The following KIT variants were observed in gnomAD, a reference collection of about 807,000 sequenced individuals.
KIT encodes the protein mast/stem cell growth factor receptor Kit.
A neutral mutation model predicts 105.7 loss-of-function variants in KIT; 16 were observed. The ratio of observed to expected loss-of-function variants is 0.15; its 90% CI spans 0.10 to 0.23. The LOEUF (loss-of-function observed/expected upper bound fraction) is 0.23. Ranked by LOEUF, KIT falls within the 10% of genes least tolerant of loss-of-function variation. KIT has a pLI of 1.00. For synonymous variants in KIT, 438 were observed against 441.1 expected, an observed-to-expected ratio of 0.99 and a Z score of 0.09; for missense variants, 858 against 1,213.8, an observed-to-expected ratio of 0.71 and a Z score of 4.36.
intron 13 of KIT, 121 bp from the exon 14 acceptor site, chr4:54,729,214 A>G: frequency 1.0e-6 from 1 of 994,148 alleles, no homozygotes; most frequent in Non-Finnish European, 1.6e-6. Context: ...ATTGGGACTA[A>G]GTAGTCTGAT....
chr4:54,739,600 TA>T lies in KIT; in HGVS notation c.*1046del, dbSNP rs1723132138. The T allele has an allele frequency of 4.3e-6, 1 of 233,478 alleles. No individual in the cohort carries two copies. The highest frequency in any genetic ancestry group is 2.2e-5 in the African/African-American group (1 of 45,332). The allele number at this position is 233,478 out of a possible 1,614,324, so 14.5% of individuals were successfully genotyped here. A position where few individuals can be genotyped will look rare whatever the true frequency, so the allele number is the denominator to read the frequency against. ...GTTTGGATTCTTATGTAGCAGGAAA[TA>T]AAGTATAGGTTTAGCCTCCTTCGCA... On this transcript the variant is annotated 3_prime_UTR_variant, in exon 21 of 21. Transcript: ENST00000288135.
At chr4:54,695,994 G>A (rs904519090) in intron 2 of KIT, 15 of 607,008 alleles carry the variant, frequency 2.5e-5, no homozygotes, top group Admixed American at 8.7e-5. Flanking sequence ...CTGCAGGACT[G>A]TGATACTCTT....
intron 8 of KIT, 21 bp from the exon 9 acceptor site, chr4:54,725,836 C>T: frequency 6.2e-7 from 1 of 1,610,810 alleles, no homozygotes; most frequent in Admixed American, 1.7e-5. Context: ...TAAGCCAGGG[C>T]TTTTGTTTTC....
chr4:54,738,408 C>T (rs2109817870), intron 20 of KIT, 21 bp from the exon 21 acceptor site: 1 of 1,613,982 alleles, frequency 6.2e-7, no homozygotes, highest in South Asian at 1.1e-5. Flanking sequence ...GCTGTATTGA[C>T]TATGGGCTTG....
intron 1 of KIT, among the ~76,000 whole-genome samples, chr4:54,674,522 T>C (rs1317064198): frequency 6.6e-6 from 1 of 152,152 alleles, no homozygotes; most frequent in Admixed American, 6.5e-5. Flanking sequence ...GAGTCAATAA[T>C]TATGCTGCCA....
intron 1 of KIT, among the ~76,000 whole-genome samples, chr4:54,672,284 C>T (rs1184143814): frequency 2.0e-5 from 3 of 149,146 alleles, no homozygotes; most frequent in Non-Finnish European, 3.0e-5. Context: ...GTGACTTAGA[C>T]GTTTGATCAT....
chr4:54,678,244 G>C (rs1435220959), intron 1 of KIT, among the ~76,000 whole-genome samples: 1 of 144,260 alleles, frequency 6.9e-6, no homozygotes. Flanking sequence ...ATCTTCATCA[G>C]CTGCCATTTT....
Position 54,733,166 on chromosome 4 carries a change from G to A in KIT, c.2458G>A (p.Asp820Asn), listed in dbSNP as rs1057519710. 1 of 1,612,816 alleles carries A rather than the reference G, an allele frequency of 6.2e-7. No homozygotes were observed. Among genetic ancestry groups the A allele is most frequent in the Non-Finnish European group, 8.5e-7 (1 of 1,179,140 alleles). Residue 820 changes from aspartate (D) to asparagine (N), a missense_variant, in exon 17 of 21, where the codon GAT becomes AAT. This residue lies in a region of KIT where 63 missense variants were observed against 137.4 expected (regional missense o/e 0.46). Coordinates refer to ENST00000288135, the MANE Select transcript of KIT (RefSeq NM_000222.3). ...TGGTCTAGCCAGAGACATCAAGAAT[G>A]ATTCTAATTATGTGGTTAAAGGAAA... ...DFGLARDIKN[D>N]SNYVVKGNAR...
intron 7 of KIT, among the ~76,000 whole-genome samples, chr4:54,720,997 C>G (rs1166084376): frequency 6.6e-6 from 1 of 152,206 alleles, no homozygotes; most frequent in East Asian, 1.9e-4. Context: ...CTTCTTGTGA[C>G]TCTATAATTG....
intron 9 of KIT, among the ~76,000 whole-genome samples, chr4:54,726,567 A>T (rs1722226184): frequency 6.6e-6 from 1 of 152,228 alleles, no homozygotes; most frequent in Admixed American, 6.5e-5. Context: ...TCTTTTGGGC[A>T]AACTGATGAA....
chr4:54,699,167 A>G (rs1720286889), intron 3 of KIT, among the ~76,000 whole-genome samples: 1 of 152,196 alleles, frequency 6.6e-6, no homozygotes, highest in Non-Finnish European at 1.5e-5. Flanking sequence ...AAGGCTTTTG[A>G]AAAAGTATAC....
chr4:54,719,934 G>A (rs1721755070), intron 7 of KIT, among the ~76,000 whole-genome samples: 1 of 152,106 alleles, frequency 6.6e-6, no homozygotes, highest in Admixed American at 6.5e-5. Context: ...TCAGAAGGAG[G>A]TCTCTTAGCA....
intron 5 of KIT, among the ~76,000 whole-genome samples, chr4:54,704,197 G>A (rs573690743): frequency 3.0e-4 from 46 of 152,278 alleles, no homozygotes; most frequent in Middle Eastern, 3.4e-3. Context: ...GCTAGTGCTC[G>A]CTGAATGACT....
At chr4:54,713,061 A>AAT (rs1553889624) in intron 7 of KIT, among the ~76,000 whole-genome samples, 1 of 151,398 alleles carries the variant, frequency 6.6e-6, no homozygotes, top group Non-Finnish European at 1.5e-5. Flanking sequence ...TGATTTGTTG[A>AAT]TTTTTTTTAA....
chr4:54,685,376 A>G (rs1392732804), intron 1 of KIT, among the ~76,000 whole-genome samples: 11 of 152,028 alleles, frequency 7.2e-5, no homozygotes, highest in Non-Finnish European at 1.5e-4. Flanking sequence ...TCTCCCCATC[A>G]TGTAAGACAA....
intron 1 of KIT, among the ~76,000 whole-genome samples, chr4:54,658,719 G>C (rs567114464): frequency 6.6e-6 from 1 of 151,716 alleles, no homozygotes; most frequent in South Asian, 2.1e-4. Context: ...TTAGGCTTTT[G>C]CGCTGGGAGT....
intron 17 of KIT, 103 bp downstream of exon 17, chr4:54,733,295 G>C: frequency 7.6e-7 from 1 of 1,315,694 alleles, no homozygotes; most frequent in African/African-American, 1.4e-5. Context: ...TCCTGTCTAG[G>C]GATATCACAC....
intron 1 of KIT, among the ~76,000 whole-genome samples, chr4:54,689,874 A>G (rs2703475): frequency 4.0e-5 from 6 of 151,802 alleles, no homozygotes; most frequent in African/African-American, 1.2e-4. Flanking sequence ...TCCATCCCCC[A>G]CTGTACTCCC....
At chr4:54,695,413 T>C in intron 1 of KIT, 99 bp from the exon 2 acceptor site, 2 of 1,253,164 alleles carry the variant, frequency 1.6e-6, no homozygotes, top group South Asian at 1.3e-5. Context: ...CCTATTTTTA[T>C]TGTAGAGTAC....
Sources: gnomAD v4.1 joint callset for allele counts (sites outside exome capture counted in the v4.1 genomes callset) on GRCh38, gnomAD v4.1.1 for gene constraint, gnomAD v4.1.1 regional missense constraint, MANE v1.5 for transcripts, NCBI Gene and HGNC (gene_info 2026-07-23, HGNC 2026-07-21) for gene names.